Variants in ERBB4 observed in about 807,000 individuals in gnomAD.
ERBB4 encodes the protein receptor tyrosine-protein kinase erbB-4.
ERBB4 carries 42 observed loss-of-function variants against 158.0 expected under a neutral mutation model. The observed-to-expected ratio is 0.27, with a 90% CI of 0.21 to 0.34. The LOEUF (loss-of-function observed/expected upper bound fraction) is 0.34. Among genes scored for constraint, ERBB4 ranks in the 10% least tolerant of loss-of-function variants. The probability of loss-of-function intolerance (pLI) is 1.00; values close to 1 mark genes in which losing one functional copy is unlikely to be tolerated. For synonymous variants in ERBB4, 583 were observed against 558.7 expected, an observed-to-expected ratio of 1.04 and a Z score of -0.61; for missense variants, 1,333 against 1,624.1, an observed-to-expected ratio of 0.82 and a Z score of 3.08.
At chr2:211,803,923 C>T (rs564052227) in intron 3 of ERBB4, among the ~76,000 whole-genome samples, 269 of 152,254 alleles carry the variant, frequency 1.8e-3, no homozygotes, top group Non-Finnish European at 2.4e-3. Flanking sequence ...TGCAGAAGCC[C>T]CTACTGTTAC....
chr2:211,991,329 T>G (rs1376397184), intron 2 of ERBB4, among the ~76,000 whole-genome samples: 1 of 152,120 alleles, frequency 6.6e-6, no homozygotes, highest in East Asian at 1.9e-4. Flanking sequence ...ACCAATTACC[T>G]GTATTTGTAC....
chr2:211,709,272 T>TATATATATATATATATATATAC (rs1216222413), intron 9 of ERBB4, among the ~76,000 whole-genome samples: 43 of 141,066 alleles, frequency 3.0e-4, no homozygotes, highest in African/African-American at 1.1e-3. Context: ...TATATATATA[T>TATATATATATATATATATATAC]ATACATACAT....
intron 5 of ERBB4, among the ~76,000 whole-genome samples, chr2:211,747,998 T>C (rs748338506): frequency 1.1e-4 from 16 of 151,870 alleles, no homozygotes; most frequent in Non-Finnish European, 2.2e-4. Flanking sequence ...ATATTACTTA[T>C]AATGCATAAT....
intron 1 of ERBB4, among the ~76,000 whole-genome samples, chr2:212,191,962 A>G (rs547910673): frequency 1.0e-3 from 115 of 111,362 alleles, no homozygotes; most frequent in Non-Finnish European, 1.6e-3. Context: ...TATATGTTAT[A>G]TATGTTATAT....
intron 18 of ERBB4, among the ~76,000 whole-genome samples, chr2:211,622,992 T>A (rs6712335): frequency 0.034 from 217 of 6,416 alleles, 37 homozygotes; most frequent in African/African-American, 0.12. Context: ...AAAAAAAAAA[T>A]ATATATATAT....
At chr2:212,480,723 G>A (rs1475912796) in intron 1 of ERBB4, among the ~76,000 whole-genome samples, 1 of 152,190 alleles carries the variant, frequency 6.6e-6, no homozygotes, top group African/African-American at 2.4e-5. Flanking sequence ...TATGGCATAT[G>A]CCTTGAGTAT....
intron 3 of ERBB4, among the ~76,000 whole-genome samples, chr2:211,889,236 T>G (rs2078896897): frequency 6.9e-6 from 1 of 144,832 alleles, no homozygotes; most frequent in African/African-American, 2.7e-5. Flanking sequence ...AGTGGGTCCC[T>G]GACCCCTGAC....
At chr2:212,132,381 A>G (rs1002368877) in intron 1 of ERBB4, among the ~76,000 whole-genome samples, 1 of 152,106 alleles carries the variant, frequency 6.6e-6, no homozygotes. Context: ...CTGGCTAAAC[A>G]TTATTTCTGA....
At chr2:212,005,879 G>A (rs914436356) in intron 2 of ERBB4, among the ~76,000 whole-genome samples, 3 of 152,074 alleles carry the variant, frequency 2.0e-5, no homozygotes, top group African/African-American at 4.8e-5. Flanking sequence ...GAATCCAGGA[G>A]TTCAAGACCA....
intron 4 of ERBB4, among the ~76,000 whole-genome samples, chr2:211,774,134 G>T (rs945850856): frequency 1.3e-5 from 2 of 150,672 alleles, no homozygotes; most frequent in South Asian, 4.2e-4. Context: ...GTGCAATGGT[G>T]TGATCTTGGC....
At chr2:211,985,154 C>A (rs140239754) in intron 2 of ERBB4, among the ~76,000 whole-genome samples, 1 of 152,072 alleles carries the variant, frequency 6.6e-6, no homozygotes, top group Non-Finnish European at 1.5e-5. Flanking sequence ...TTACCACTGT[C>A]GGAAACCTAT....
intron 1 of ERBB4, among the ~76,000 whole-genome samples, chr2:212,358,505 T>C (rs2089553144): frequency 6.6e-6 from 1 of 151,824 alleles, no homozygotes; most frequent in South Asian, 2.1e-4. Context: ...AGTAAATTCT[T>C]ATTCCTTGAT....
At chr2:212,043,751 C>G (rs2077194686) in intron 2 of ERBB4, among the ~76,000 whole-genome samples, 1 of 152,062 alleles carries the variant, frequency 6.6e-6, no homozygotes, top group Non-Finnish European at 1.5e-5. Context: ...CCTGCTCCAA[C>G]ACTTACTACA....
intron 3 of ERBB4, among the ~76,000 whole-genome samples, chr2:211,923,843 C>G (rs2079941391): frequency 1.3e-5 from 2 of 152,214 alleles, no homozygotes; most frequent in East Asian, 3.9e-4. Context: ...CTGCCTCAGC[C>G]TCCCAAGCAG....
intron 4 of ERBB4, 56 bp from the exon 5 acceptor site, chr2:211,750,760 A>T: frequency 7.3e-6 from 10 of 1,363,166 alleles, no homozygotes; most frequent in African/African-American, 1.4e-5. Context: ...TCACTCCTTG[A>T]CTAGGAGTAA....
At position 211,776,020 on chromosome 2, in the gene ERBB4, C is replaced by T. The variant is rs552198596; in HGVS notation, c.556+12005G>A. Among the ~76,000 whole-genome samples the T allele has an allele frequency of 2.3e-3, 353 of 152,220 alleles. 1 individual carries two copies. The highest frequency in any genetic ancestry group is 0.016 in the South Asian group (78 of 4,824). On this transcript the variant is annotated intron_variant, in intron 4 of 27. Coordinates refer to ENST00000342788, the MANE Select transcript of ERBB4 (RefSeq NM_005235.3). ...GCTCCTCTAGAGGGATGTAAAGCAC[C>T]GCCAAGTCCTTTGAGTTTTAAGCTG...
At chr2:211,550,222 T>A (rs1391666081) in intron 20 of ERBB4, among the ~76,000 whole-genome samples, 1 of 152,020 alleles carries the variant, frequency 6.6e-6, no homozygotes, top group Non-Finnish European at 1.5e-5. Context: ...ATACAACACA[T>A]CATTGTTAGC....
intron 1 of ERBB4, among the ~76,000 whole-genome samples, chr2:212,205,525 T>C (rs1034666287): frequency 6.6e-6 from 1 of 152,240 alleles, no homozygotes; most frequent in Admixed American, 6.5e-5. Context: ...AATTATACTT[T>C]AAAAAATAAT....
intron 2 of ERBB4, among the ~76,000 whole-genome samples, chr2:211,974,532 A>C (rs1374103104): frequency 1.3e-5 from 2 of 152,192 alleles, no homozygotes; most frequent in Non-Finnish European, 1.5e-5. Flanking sequence ...TCATCTCTAA[A>C]GTGGAGGAAG....
Sources: gnomAD v4.1 joint callset for allele counts (sites outside exome capture counted in the v4.1 genomes callset) on GRCh38, gnomAD v4.1.1 for gene constraint, MANE v1.5 for transcripts, NCBI Gene and HGNC (gene_info 2026-07-23, HGNC 2026-07-21) for gene names.